COG1: variants seen among roughly 807,000 people sequenced by gnomAD.
COG1 encodes the protein conserved oligomeric Golgi complex subunit 1.
Under a neutral mutation model 102.2 loss-of-function variants are expected in COG1, and 61 were observed. The observed-to-expected ratio is 0.60, with a 90% CI of 0.49 to 0.74. COG1 has a LOEUF of 0.74. COG1 is among the 30% of genes least tolerant of loss of function. The pLI is 0.00. For synonymous variants in COG1, 454 were observed against 493.6 expected, an observed-to-expected ratio of 0.92 and a Z score of 1.06; for missense variants, 1,164 against 1,232.1, an observed-to-expected ratio of 0.94 and a Z score of 0.83.
intron 9 of COG1, 53 bp from the exon 10 acceptor site, chr17:73,205,500 T>G: frequency 6.2e-7 from 1 of 1,605,750 alleles, no homozygotes; most frequent in East Asian, 2.2e-5. Context: ...TTTATTACGC[T>G]CACATACCAA....
Position 73,203,133 on chromosome 17 carries a change from G to T in COG1, c.2207G>T (p.Arg736Leu). ...GGCAGCAGTGTCACATCCAAGATCCGACTCCCTGCACAGGTGAGCAGGGAC... is the reference window on the plus strand; with the variant it reads ...GGCAGCAGTGTCACATCCAAGATCCTACTCCCTGCACAGGTGAGCAGGGAC... Reference protein sequence around the residue: ...ESGSSVTSKIRLPAQPSWYVQ... With the variant: ...ESGSSVTSKILLPAQPSWYVQ... Residue 736 changes from arginine (R) to leucine (L), a missense_variant, in exon 8 of 14, where the codon CGA (arginine) becomes CTA (leucine). Arg to Leu is a moderately radical substitution (Grantham distance 102). Transcript: ENST00000299886. 1 of 1,614,102 alleles carries T rather than the reference G, an allele frequency of 6.2e-7. No homozygotes were observed. Among genetic ancestry groups the T allele is most frequent in the South Asian group, 1.1e-5 (1 of 91,046 alleles).
Position 73,193,171 on chromosome 17 carries a change from G to A in COG1, c.102G>A (p.Glu34=), listed in dbSNP as rs2061309191. 1 of 1,608,210 alleles carries A rather than the reference G, an allele frequency of 6.2e-7. No homozygotes were observed. Among genetic ancestry groups the A allele is most frequent in the Non-Finnish European group, 8.5e-7 (1 of 1,177,958 alleles). Residue 34 remains glutamate (E), a synonymous_variant, in exon 1 of 14, where the codon GAG becomes GAA. Transcript: ENST00000299886. The part of the protein sequence containing the change: ...THGAEEIRGL[E]RQVRAEIEHK... ...GAGCGGAGGAGATCCGCGGGCTGGA[G>A]CGCCAGGTTCGGGCCGAGATCGAGC... is the stretch of plus-strand genomic sequence containing the variant.
rs755928983 is a variant in COG1 at position 73,205,571 on chromosome 17, G to T, written c.2401G>T (p.Val801Phe). ...KQIKKEGAFP[V>F]TQNRALQLLY... is the part of the protein sequence containing the mutation. Reference sequence around the variant, plus strand: ...TTTGCAGAAAGAAGGTGCATTTCCAGTCACCCAGAACCGGGCGCTGCAGCT... The same window carrying T: ...TTTGCAGAAAGAAGGTGCATTTCCATTCACCCAGAACCGGGCGCTGCAGCT... Residue 801 changes from valine to phenylalanine, a missense_variant, in exon 10 of 14, where the codon GTC (valine) becomes TTC (phenylalanine). Transcript: ENST00000299886. 4 of 1,614,180 alleles carry T rather than the reference G, an allele frequency of 2.5e-6. No homozygotes were observed. The highest frequency in any genetic ancestry group is 2.5e-6 in the Non-Finnish European group (3 of 1,180,038).
At position 73,203,686 on chromosome 17, in the gene COG1, G is replaced by A. The variant is rs2061356355; in HGVS notation, c.2275G>A (p.Val759Ile). The change falls in exon 9 of 14, where the codon GTT (valine) becomes ATT (isoleucine). Residue 759 changes from valine (V) to isoleucine (I), a missense_variant. Val to Ile is a conservative substitution (Grantham distance 29). Transcript: ENST00000299886. ...TAGTTTATGCCAGGAAATTAATCGGGTTGGAGGCCATGCCTTGCCAAAGGT... is the reference window on the plus strand; with the variant it reads ...TAGTTTATGCCAGGAAATTAATCGGATTGGAGGCCATGCCTTGCCAAAGGT... ...LFSLCQEINRVGGHALPKVTL... is the reference protein window; with the variant it reads ...LFSLCQEINRIGGHALPKVTL... The A allele has an allele frequency of 1.9e-6, 3 of 1,614,114 alleles. No individual in the cohort carries two copies. Among genetic ancestry groups the A allele is most frequent in the South Asian group, 1.1e-5 (1 of 91,094 alleles).
At chr17:73,207,954 G>A in intron 13 of COG1, 8 of 1,211,512 alleles carry the variant, frequency 6.6e-6, no homozygotes, top group Non-Finnish European at 8.3e-6. Context: ...AAAAGCTCTT[G>A]CAAAAACCAT....
intron 1 of COG1, among the ~76,000 whole-genome samples, chr17:73,194,692 G>A (rs1481506855): frequency 1.3e-5 from 2 of 152,006 alleles, no homozygotes; most frequent in Non-Finnish European, 2.9e-5. Context: ...TCCAACCCCT[G>A]ACCTCATGTG....
Position 73,208,351 on chromosome 17 carries a change from C to G in COG1, c.2843C>G (p.Thr948Arg). ...GCACGCTCCACAGCTGGTGACCCGACAGTTCCTGGCTCCTTGTTCAGACAG... is the reference window on the plus strand; with the variant it reads ...GCACGCTCCACAGCTGGTGACCCGAGAGTTCCTGGCTCCTTGTTCAGACAG... ...PPARSTAGDP[T>R]VPGSLFRQLV... The change falls in exon 14 of 14, where the codon ACA (threonine) becomes AGA (arginine). Residue 948 changes from threonine (T) to arginine (R), a missense_variant. By Grantham distance (71) the Thr-to-Arg change is moderately conservative. Coordinates refer to ENST00000299886, the MANE Select transcript of COG1 (RefSeq NM_018714.3). The G allele has an allele frequency of 6.2e-7, 1 of 1,614,180 alleles. No homozygotes were observed. Among genetic ancestry groups the G allele is most frequent in the South Asian group, 1.1e-5 (1 of 91,086 alleles).
intron 4 of COG1, 37 bp from the exon 5 acceptor site, chr17:73,199,828 G>A (rs745728573): frequency 3.7e-6 from 6 of 1,613,478 alleles, no homozygotes; most frequent in Middle Eastern, 1.7e-4. Flanking sequence ...ACTTCAAAGG[G>A]TGGCCTAGAT....
rs896249142 is a variant in COG1, at chr17:73,208,320, C to G, written c.2812C>G (p.Pro938Ala). 2.5e-6 allele frequency: 4 copies of G among 1,613,502 alleles called. No individual in the cohort carries two copies. The highest frequency in any genetic ancestry group is 3.4e-6 in the Non-Finnish European group (4 of 1,180,000). Residue 938 changes from proline (P) to alanine (A), a missense_variant, in exon 14 of 14, where the codon CCC (proline) becomes GCC (alanine). Transcript: ENST00000299886. ...RNIETKAQVV[P>A]PARSTAGDPT... ...TCTCTACATCCAATGGCAGGTTGTCCCCCCGGCACGCTCCACAGCTGGTGA... is the reference window on the plus strand; with the variant it reads ...TCTCTACATCCAATGGCAGGTTGTCGCCCCGGCACGCTCCACAGCTGGTGA...
At chr17:73,204,349 T>C (rs2061359245) in intron 9 of COG1, among the ~76,000 whole-genome samples, 1 of 152,096 alleles carries the variant, frequency 6.6e-6, no homozygotes, top group Admixed American at 6.5e-5. Flanking sequence ...TCCTCACTTG[T>C]AAAAGGCAGA....
Position 73,206,752 on chromosome 17 carries a change from C to G in COG1, c.2664C>G (p.Pro888=). ...CTGGTACAGAGAATCAGCTCGCCCC[C>G]CGGAGCAGTACGTTCAACTCCCAAG... ...LVTGTENQLA[P]RSSTFNSQEP... The change falls in exon 12 of 14, where the codon CCC becomes CCG. Residue 888 remains proline, a synonymous_variant. Transcript: ENST00000299886. 1 of 1,613,572 alleles carries G rather than the reference C, an allele frequency of 6.2e-7. No individual in the cohort carries two copies. The highest frequency in any genetic ancestry group is 2.2e-5 in the East Asian group (1 of 44,826).
chr17:73,202,227 T>G (rs1461773200), intron 7 of COG1, among the ~76,000 whole-genome samples: 1 of 152,066 alleles, frequency 6.6e-6, no homozygotes, highest in Admixed American at 6.5e-5. Flanking sequence ...TAGTCCCAGC[T>G]ACTCGGAAGG....
At chr17:73,202,138 C>G (rs572552956) in intron 7 of COG1, among the ~76,000 whole-genome samples, 35 of 151,126 alleles carry the variant, frequency 2.3e-4, no homozygotes, top group Non-Finnish European at 4.7e-4. Flanking sequence ...GAGATCGAGA[C>G]CATCCTGGCT....
chr17:73,208,362 T>C lies in COG1; in HGVS notation c.2854T>C (p.Ser952Pro), dbSNP rs768934064. ...AGCTGGTGACCCGACAGTTCCTGGC[T>C]CCTTGTTCAGACAGCTTGTCAGTGA... ...STAGDPTVPG[S>P]LFRQLVSEED... The change falls in exon 14 of 14, where the codon TCC becomes CCC. Residue 952 changes from serine to proline, a missense_variant. Transcript: ENST00000299886. 1.9e-5 allele frequency: 30 copies of C among 1,614,068 alleles called. No individual in the cohort carries two copies. The South Asian group carries it at 3.3e-4, about 18-fold the overall frequency.
intron 13 of COG1, chr17:73,207,493 A>C: frequency 1.6e-6 from 1 of 635,806 alleles, no homozygotes. Flanking sequence ...TGTAGAAAAT[A>C]TACAGGACAG....
In COG1 at chr17:73,208,379, T is replaced by C. The variant is rs373538467; in HGVS notation, c.2871T>C (p.Leu957=). Residue 957 remains leucine, a synonymous_variant, in exon 14 of 14, where the codon CTT becomes CTC. Coordinates refer to ENST00000299886, the MANE Select transcript of COG1 (RefSeq NM_018714.3). Reference sequence around the variant, plus strand: ...TTCCTGGCTCCTTGTTCAGACAGCTTGTCAGTGAAGAAGACAACACGTCTG... The same window carrying C: ...TTCCTGGCTCCTTGTTCAGACAGCTCGTCAGTGAAGAAGACAACACGTCTG... ...PTVPGSLFRQ[L]VSEEDNTSAP... The C allele has an allele frequency of 3.7e-6, 6 of 1,614,130 alleles. No homozygotes were observed. The highest frequency in any genetic ancestry group is 5.1e-6 in the Non-Finnish European group (6 of 1,179,972).
rs372706594 is a variant in COG1, at chr17:73,196,750, C to T, written c.559C>T (p.Arg187Trp). Residue 187 changes from arginine to tryptophan, a missense_variant and splice_region_variant, in exon 2 of 14, where the codon CGG becomes TGG. Coordinates refer to ENST00000299886, the MANE Select transcript of COG1 (RefSeq NM_018714.3). Reference sequence around the variant, plus strand: ...GCAGGTGGCAGCCGCCAGCCACTTCCGGTAAGTGGATCCAGCGCAAAGAGC... The same window carrying T: ...GCAGGTGGCAGCCGCCAGCCACTTCTGGTAAGTGGATCCAGCGCAAAGAGC... ...IRQVAAASHF[R>W]STILHESKML... 2.9e-5 allele frequency: 47 copies of T among 1,614,142 alleles called. No homozygotes were observed. In the African/African-American group the frequency reaches 3.6e-4, roughly 12 times the overall value.
intron 1 of COG1, among the ~76,000 whole-genome samples, chr17:73,195,553 G>A (rs1599322663): frequency 6.6e-6 from 1 of 151,160 alleles, no homozygotes; most frequent in East Asian, 2.0e-4. Context: ...GGTCAAGGCT[G>A]CAGTGAGCCA....
In COG1 at chr17:73,197,383, C is replaced by A; in HGVS notation, c.900C>A (p.Gly300=). 6.2e-7 allele frequency: 1 copy of A among 1,614,156 alleles called. No individual in the cohort carries two copies. ...TCTCTACTCTGGAGACCATCACAGG[C>A]CAGCATCCTGCCGGTGAGCTCTTAG... ...LLFSTLETIT[G]QHPAGKGTGV... Residue 300 remains glycine (G), a synonymous_variant, in exon 4 of 14, where the codon GGC becomes GGA. Coordinates refer to ENST00000299886, the MANE Select transcript of COG1 (RefSeq NM_018714.3).
Sources: gnomAD v4.1 joint callset for allele counts (sites outside exome capture counted in the v4.1 genomes callset) on GRCh38, gnomAD v4.1.1 for gene constraint, MANE v1.5 for transcripts, NCBI Gene and HGNC (gene_info 2026-07-23, HGNC 2026-07-21) for gene names.